TJP1: variants seen among roughly 807,000 people sequenced by gnomAD.
TJP1 encodes tight junction protein 1.
TJP1 carries 43 observed loss-of-function variants against 194.2 expected under a neutral mutation model. That is an observed-to-expected ratio of 0.22 (90% CI 0.17 to 0.29). The LOEUF (loss-of-function observed/expected upper bound fraction) is 0.29, where lower values mean the gene tolerates loss of function less well. TJP1 is among the 10% of genes least tolerant of loss of function. TJP1 has a pLI of 1.00. For missense variants in TJP1, 1,971 were observed against 2,185.7 expected, an observed-to-expected ratio of 0.90 and a Z score of 1.96; for synonymous variants, 801 against 779.0, an observed-to-expected ratio of 1.03 and a Z score of -0.47.
chr15:29,908,950 C>T (rs1009108162), intron 2 of TJP1, among the ~76,000 whole-genome samples: 4 of 151,884 alleles, frequency 2.6e-5, no homozygotes, highest in South Asian at 2.1e-4. Flanking sequence ...ATCAGGAGAT[C>T]GAGAACATCC....
At chr15:29,867,838 T>G (rs1194892304) in intron 2 of TJP1, among the ~76,000 whole-genome samples, 1 of 152,114 alleles carries the variant, frequency 6.6e-6, no homozygotes, top group Admixed American at 6.5e-5. Context: ...GGCAGATTGC[T>G]TCAGCCCAGG....
upstream of TJP1, chr15:29,968,926 G>T (rs913323427): frequency 4.0e-5 from 8 of 199,426 alleles, no homozygotes; most frequent in African/African-American, 1.2e-4. Context: ...GCGTGGCCCG[G>T]GCTCCCGCTC....
intron 2 of TJP1, among the ~76,000 whole-genome samples, chr15:29,896,149 T>C (rs2053470068): frequency 6.6e-6 from 1 of 152,176 alleles, no homozygotes; most frequent in South Asian, 2.1e-4. Context: ...TTTGGCTGTG[T>C]TCTCACCCGA....
intron 8 of TJP1, among the ~76,000 whole-genome samples, chr15:29,749,175 C>T (rs1441523735): frequency 2.0e-5 from 3 of 150,360 alleles, no homozygotes; most frequent in South Asian, 4.2e-4. Flanking sequence ...TTAACTTGCA[C>T]GTATTAATCT....
At chr15:29,808,247 G>C (rs938137673) in intron 1 of TJP1, among the ~76,000 whole-genome samples, 1 of 152,194 alleles carries the variant, frequency 6.6e-6, no homozygotes, top group Non-Finnish European at 1.5e-5. Context: ...CAGCCTGGGT[G>C]ACACAGTGAG....
At chr15:29,903,951 T>C (rs1421550031) in intron 2 of TJP1, among the ~76,000 whole-genome samples, 2 of 152,180 alleles carry the variant, frequency 1.3e-5, no homozygotes, top group African/African-American at 2.4e-5. Context: ...CAAAATGAAC[T>C]GCAGAATTGA....
intron 2 of TJP1, among the ~76,000 whole-genome samples, chr15:29,848,155 T>C (rs1485195723): frequency 1.3e-5 from 2 of 152,098 alleles, no homozygotes; most frequent in Non-Finnish European, 2.9e-5. Context: ...TTGGTGAATG[T>C]TCCATGAGTG....
intron 2 of TJP1, among the ~76,000 whole-genome samples, chr15:29,933,441 T>C (rs551189122): frequency 6.6e-6 from 1 of 152,126 alleles, no homozygotes; most frequent in African/African-American, 2.4e-5. Context: ...AGGAGGAGAA[T>C]CAGGATATTG....
chr15:29,965,355 A>G (rs1169881354), intron 1 of TJP1, among the ~76,000 whole-genome samples: 1 of 152,048 alleles, frequency 6.6e-6, no homozygotes, highest in Admixed American at 6.6e-5. Context: ...AATTACAGGC[A>G]CACACCACCA....
intron 1 of TJP1, among the ~76,000 whole-genome samples, chr15:29,806,330 A>G (rs1008601007): frequency 2.0e-5 from 3 of 152,234 alleles, no homozygotes; most frequent in African/African-American, 4.8e-5. Context: ...GAGCTAATAC[A>G]AAACACTACT....
chr15:29,794,984 A>G (rs925978867), intron 2 of TJP1, among the ~76,000 whole-genome samples: 2 of 152,266 alleles, frequency 1.3e-5, no homozygotes, highest in Non-Finnish European at 2.9e-5. Context: ...TGACCAAGAA[A>G]TAAGACACAA....
chr15:29,727,912 A>G, intron 16 of TJP1, 25 bp downstream of exon 16: 2 of 1,600,350 alleles, frequency 1.2e-6, no homozygotes, highest in Non-Finnish European at 1.7e-6. Context: ...AACATAATGA[A>G]ATGGGTCAAG....
chr15:29,911,453 G>A (rs1384531162), intron 2 of TJP1, among the ~76,000 whole-genome samples: 2 of 151,824 alleles, frequency 1.3e-5, no homozygotes, highest in Non-Finnish European at 2.9e-5. Context: ...AAAGAAAACA[G>A]GTTTAATTGG....
At chr15:29,912,695 CAAAAAAAAAAAAAA>C (rs71103416) in intron 2 of TJP1, among the ~76,000 whole-genome samples, 1 of 64,950 alleles carries the variant, frequency 1.5e-5, no homozygotes, top group Non-Finnish European at 2.4e-5. Flanking sequence ...GACTCTGTCT[CAAAAAAAAAAAAAA>C]AAAAAAAAAA....
In TJP1 at chr15:29,791,370, A is replaced by G. The variant is rs1319800027; in HGVS notation, c.84+9276T>C. ...CTCAGCAGTGGAAATGCTGGATCAT[A>G]TGGTTGCTCTATTTTCAGTTTTTGA... On this transcript the variant is annotated intron_variant, in intron 2 of 27. Coordinates refer to ENST00000614355, the MANE Select transcript of TJP1 (RefSeq NM_001330239.4). Among the ~76,000 whole-genome samples, 4 of 136,112 alleles carry G rather than the reference A, an allele frequency of 2.9e-5. No homozygotes were observed. The East Asian group carries it at 7.1e-4, about 24-fold the overall frequency. The allele number at this position is 136,112 out of a possible 152,430, so 89.3% of individuals were successfully genotyped here. A position where few individuals can be genotyped will look rare whatever the true frequency, so the allele number is the denominator to read the frequency against.
Position 29,704,450 on chromosome 15 carries a change from A to T in TJP1, c.5069-145T>A, listed in dbSNP as rs2041763676. ...AGTCGCACTGACCACAAAAAAACGT[A>T]ACAGCAGCCACATATGGAATCTTAA... On this transcript the variant is annotated intron_variant, in intron 26 of 27. Transcript: ENST00000614355. 6.9e-6 allele frequency: 6 copies of T among 875,426 alleles called. No individual in the cohort carries two copies. The South Asian group carries it at 2.3e-4, about 34-fold the overall frequency. 54.2% of individuals were successfully genotyped at this position (875,426 alleles called of 1,614,324 possible).
At chr15:29,721,885 C>T (rs1356848259) in intron 18 of TJP1, among the ~76,000 whole-genome samples, 3 of 152,224 alleles carry the variant, frequency 2.0e-5, no homozygotes, top group South Asian at 2.1e-4. Context: ...TGTGCCCCTG[C>T]TCTAGTGATC....
intron 2 of TJP1, among the ~76,000 whole-genome samples, chr15:29,831,530 C>T (rs1015390032): frequency 3.9e-5 from 6 of 152,038 alleles, no homozygotes; most frequent in East Asian, 1.9e-4. Context: ...GCTTTACAGA[C>T]GGATGTGGGA....
At chr15:29,779,510 C>T (rs1032114846) in intron 2 of TJP1, among the ~76,000 whole-genome samples, 5 of 152,112 alleles carry the variant, frequency 3.3e-5, no homozygotes, top group Non-Finnish European at 7.4e-5. Flanking sequence ...TTTCTCTTTG[C>T]CAAAACAAGT....
Sources: gnomAD v4.1 joint callset for allele counts (sites outside exome capture counted in the v4.1 genomes callset) on GRCh38, gnomAD v4.1.1 for gene constraint, MANE v1.5 for transcripts, NCBI Gene and HGNC (gene_info 2026-07-23, HGNC 2026-07-21) for gene names.